The following TREML4 variants were observed in gnomAD, a reference collection of about 807,000 sequenced individuals.
TREML4 encodes the protein triggering receptor expressed on myeloid cells like 4.
Under a neutral mutation model 25.4 loss-of-function variants are expected in TREML4, and 25 were observed. The observed-to-expected ratio is 0.98, with a 90% CI of 0.72 to 1.37. The LOEUF is 1.37. TREML4 is among the 40% of genes most tolerant of loss of function. The pLI is 0.00. For missense variants in TREML4, 268 were observed against 236.5 expected, an observed-to-expected ratio of 1.13 and a Z score of -0.87; for synonymous variants, 92 against 87.9, an observed-to-expected ratio of 1.05 and a Z score of -0.26.
At chr6:41,230,526 G>T (rs142509068) in intron 4 of TREML4, among the ~76,000 whole-genome samples, 1 of 152,150 alleles carries the variant, frequency 6.6e-6, no homozygotes, top group South Asian at 2.1e-4. Context: ...TTCTATTCTT[G>T]CAGTCATGGG....
rs1188253899 is a variant in TREML4, at chr6:41,237,282, G to T, written c.*263G>T. 1 of 152,948 alleles carries T rather than the reference G, an allele frequency of 6.5e-6. No individual in the cohort carries two copies. Among genetic ancestry groups the T allele is most frequent in the Non-Finnish European group, 1.5e-5 (1 of 68,562 alleles). 9.5% of individuals were successfully genotyped at this position (152,948 alleles called of 1,614,324 possible). A position where few individuals can be genotyped will look rare whatever the true frequency, so the allele number is the denominator to read the frequency against. On this transcript the variant is annotated 3_prime_UTR_variant, in exon 6 of 6. Transcript: ENST00000341495. Reference sequence around the variant, plus strand: ...TCCCCGGTGGTGACCCCTCACCCCTGCACTGAGCCCCCTTAGATCTACTGC... The same window carrying T: ...TCCCCGGTGGTGACCCCTCACCCCTTCACTGAGCCCCCTTAGATCTACTGC...
chr6:41,235,823 C>T (rs2627564), intron 4 of TREML4, among the ~76,000 whole-genome samples: 2,998 of 152,178 alleles, frequency 0.02, 104 homozygotes, highest in African/African-American at 0.066. Flanking sequence ...AAGGAAGATA[C>T]ATGAGTAGCT....
chr6:41,229,916 A>G (rs1044924034), intron 3 of TREML4, 146 bp from the exon 4 acceptor site: 3 of 711,908 alleles, frequency 4.2e-6, no homozygotes, highest in African/African-American at 3.5e-5. Flanking sequence ...GGTTATGGAG[A>G]TCTCAGGCCT....
At chr6:41,233,364 C>G (rs1766837232) in intron 4 of TREML4, among the ~76,000 whole-genome samples, 1 of 151,834 alleles carries the variant, frequency 6.6e-6, no homozygotes, top group Non-Finnish European at 1.5e-5. Context: ...GATAAACATA[C>G]AAAAGATTTT....
chr6:41,229,743 T>C, intron 3 of TREML4, 172 bp downstream of exon 3: 1 of 716,764 alleles, frequency 1.4e-6, no homozygotes, highest in Non-Finnish European at 2.5e-6. Flanking sequence ...GAGAGAAACA[T>C]GCACTATCTG....
intron 4 of TREML4, 84 bp from the exon 5 acceptor site, chr6:41,236,402 A>AG: frequency 1.7e-6 from 2 of 1,188,370 alleles, no homozygotes; most frequent in South Asian, 2.6e-5. Context: ...TCCAGCTACA[A>AG]GGGGCCTGCC....
In TREML4 at chr6:41,228,863, G is replaced by A; in HGVS notation, c.213G>A (p.Lys71=). The A allele has an allele frequency of 6.2e-7, 1 of 1,614,094 alleles. No homozygotes were observed. The highest frequency in any genetic ancestry group is 8.5e-7 in the Non-Finnish European group (1 of 1,179,998). ...SRCTLLVTSS[K]PWTAVQKSHY... ...GTACCTTACTTGTCACCAGCTCCAA[G>A]CCCTGGACAGCAGTTCAGAAGTCTC... Residue 71 remains lysine, a synonymous_variant, in exon 2 of 6, where the codon AAG becomes AAA. Coordinates refer to ENST00000341495, the MANE Select transcript of TREML4 (RefSeq NM_198153.3).
chr6:41,229,464 G>A lies in TREML4; in HGVS notation c.395-57G>A, dbSNP rs1301136204. ...CCTACCTCCTCTTATGTATGGGGTAGACCCTACTCTCTTCTGGGCCCCTGG... is the reference window on the plus strand; with the variant it reads ...CCTACCTCCTCTTATGTATGGGGTAAACCCTACTCTCTTCTGGGCCCCTGG... On this transcript the variant is annotated intron_variant, in intron 2 of 5. Coordinates refer to ENST00000341495, the MANE Select transcript of TREML4 (RefSeq NM_198153.3). The A allele has an allele frequency of 3.0e-5, 47 of 1,591,432 alleles. 1 individual carries two copies. Among genetic ancestry groups the A allele is most frequent in the Non-Finnish European group, 3.8e-5 (44 of 1,160,010 alleles).
At chr6:41,236,646 C>A (rs1766910146) in intron 5 of TREML4, 29 bp downstream of exon 5, 1 of 1,313,806 alleles carries the variant, frequency 7.6e-7, no homozygotes, top group Non-Finnish European at 1.1e-6. Flanking sequence ...CACCTGGGGG[C>A]AATGGAGCTG....
At chr6:41,230,737 C>T (rs972025850) in intron 4 of TREML4, among the ~76,000 whole-genome samples, 2 of 152,222 alleles carry the variant, frequency 1.3e-5, no homozygotes, top group African/African-American at 4.8e-5. Context: ...GACTATCTCT[C>T]AGGGAGTTTG....
intron 4 of TREML4, among the ~76,000 whole-genome samples, chr6:41,230,638 C>T (rs1482576948): frequency 1.3e-5 from 2 of 152,122 alleles, no homozygotes; most frequent in South Asian, 2.1e-4. Flanking sequence ...AAGACATGAG[C>T]GATTGATGAA....
chr6:41,230,782 G>T (rs758422786), intron 4 of TREML4, among the ~76,000 whole-genome samples: 2 of 152,210 alleles, frequency 1.3e-5, no homozygotes, highest in Admixed American at 6.5e-5. Context: ...AAGTATGGCA[G>T]CTAATGGGGG....
At chr6:41,229,963 C>T (rs555307156) in intron 3 of TREML4, 99 bp from the exon 4 acceptor site, 2 of 1,018,810 alleles carry the variant, frequency 2.0e-6, no homozygotes, top group Non-Finnish European at 3.1e-6. Flanking sequence ...TAGGGGCTGC[C>T]TCTGGCCCCT....
intron 4 of TREML4, among the ~76,000 whole-genome samples, chr6:41,234,820 T>C (rs1024271798): frequency 1.3e-5 from 2 of 151,292 alleles, no homozygotes; most frequent in Admixed American, 6.6e-5. Flanking sequence ...TTATATTTCA[T>C]ACTAGATGTT....
At chr6:41,231,284 C>T (rs4403262) in intron 4 of TREML4, 52,494 of 185,572 alleles carry the variant, frequency 0.28, 8,499 homozygotes, top group East Asian at 0.38. Flanking sequence ...AGTTCTCAGG[C>T]GCCAAAAAGG....
At chr6:41,228,573 C>A in intron 1 of TREML4, 83 bp downstream of exon 1, 2 of 1,522,026 alleles carry the variant, frequency 1.3e-6, no homozygotes, top group South Asian at 1.2e-5. Flanking sequence ...GCTGTGTGAC[C>A]ATAGGACAGA....
chr6:41,228,638 C>T (rs946606150), intron 1 of TREML4, 76 bp from the exon 2 acceptor site: 10 of 1,530,976 alleles, frequency 6.5e-6, no homozygotes, highest in Non-Finnish European at 8.0e-6. Flanking sequence ...CCTCCCCTTC[C>T]CCAGCCTGTG....
chr6:41,230,212 C>T (rs1281300213), intron 4 of TREML4, 90 bp downstream of exon 4: 2 of 1,102,994 alleles, frequency 1.8e-6, no homozygotes, highest in Admixed American at 3.5e-5. Context: ...CCAGGGCACC[C>T]AGGGATCCTT....
At chr6:41,233,758 C>T (rs1342250322) in intron 4 of TREML4, among the ~76,000 whole-genome samples, 1 of 151,420 alleles carries the variant, frequency 6.6e-6, no homozygotes, top group African/African-American at 2.4e-5. Context: ...CAGTATAATA[C>T]CATCACATAT....
Sources: allele counts gnomAD v4.1 joint callset (sites outside exome capture counted in the v4.1 genomes callset), GRCh38; gene constraint gnomAD v4.1.1; transcripts MANE v1.5; gene names NCBI Gene and HGNC (gene_info 2026-07-23, HGNC 2026-07-21).